The following SIPA1L1 variants were observed in gnomAD, a reference collection of about 807,000 sequenced individuals.
The protein encoded by SIPA1L1 is signal induced proliferation associated 1 like 1.
SIPA1L1 carries 26 observed loss-of-function variants against 162.7 expected under a neutral mutation model. The observed-to-expected ratio is 0.16, with a 90% CI of 0.12 to 0.22. The LOEUF (loss-of-function observed/expected upper bound fraction) is 0.22. Ranked by LOEUF, SIPA1L1 falls within the 10% of genes least tolerant of loss-of-function variation. The pLI is 1.00. For missense variants in SIPA1L1, 1,874 were observed against 2,241.0 expected, an observed-to-expected ratio of 0.84 and a Z score of 3.31; for synonymous variants, 829 against 837.4, an observed-to-expected ratio of 0.99 and a Z score of 0.17.
At position 71,440,646 on chromosome 14, in the gene SIPA1L1, C is replaced by CAAAAA. The variant is rs397853535; in HGVS notation, c.-464-72075_-464-72071dup. On this transcript the variant is annotated intron_variant, in intron 2 of 23. Transcript: ENST00000381232. ...CTTGGGTGACAGTGAGAACCCATCT[C>CAAAAA]AAAAAAAAAAAAAAAAAAAAAAAAA... 1.1e-4 allele frequency among the ~76,000 whole-genome samples: 6 copies of CAAAAA among 55,688 alleles called. No individual in the cohort carries two copies. In the East Asian group the frequency reaches 2.0e-3, roughly 18 times the overall value. 36.5% of individuals were successfully genotyped at this position (55,688 alleles called of 152,430 possible).
chr14:71,735,021 T>C (rs2085157888), intron 21 of SIPA1L1, among the ~76,000 whole-genome samples: 1 of 152,188 alleles, frequency 6.6e-6, no homozygotes, highest in Non-Finnish European at 1.5e-5. Flanking sequence ...CATAGAATGC[T>C]ACAGTGATGA....
chr14:71,593,174 T>C (rs1490389459), intron 5 of SIPA1L1, among the ~76,000 whole-genome samples: 1 of 150,378 alleles, frequency 6.6e-6, no homozygotes, highest in African/African-American at 2.5e-5. Context: ...CCTTTGAGTA[T>C]GTATGTGTTT....
intron 2 of SIPA1L1, among the ~76,000 whole-genome samples, chr14:71,417,465 G>A (rs561321301): frequency 0.019 from 266 of 14,124 alleles, 1 homozygote; most frequent in Non-Finnish European, 0.027. Flanking sequence ...GCGAGACTCC[G>A]TCTCAAAAAA....
intron 17 of SIPA1L1, among the ~76,000 whole-genome samples, chr14:71,716,787 G>C (rs1168112629): frequency 3.3e-5 from 5 of 152,210 alleles, no homozygotes; most frequent in Non-Finnish European, 4.4e-5. Flanking sequence ...CTTCGCCACA[G>C]CTGGGAATGT....
chr14:71,701,618 C>G (rs191923299), intron 14 of SIPA1L1, among the ~76,000 whole-genome samples: 3 of 152,278 alleles, frequency 2.0e-5, no homozygotes, highest in Admixed American at 2.0e-4. Flanking sequence ...CACTCTGGCA[C>G]TTTTTCATGG....
At chr14:71,584,264 A>G (rs1352987687) in intron 4 of SIPA1L1, among the ~76,000 whole-genome samples, 2 of 152,182 alleles carry the variant, frequency 1.3e-5, no homozygotes. Context: ...CAGATGCTTC[A>G]CAGAGCCAGA....
rs142619560 is a variant in SIPA1L1 at position 71,661,414 on chromosome 14, C to T, written c.2202C>T (p.His734=). ...AAAACATCCGATCCCACTTCCAGCACGTTTTCGTCATCGTCAGGGTGCACA... is the reference window on the plus strand; with the variant it reads ...AAAACATCCGATCCCACTTCCAGCATGTTTTCGTCATCGTCAGGGTGCACA... ...SPKNIRSHFQ[H]VFVIVRVHNP... Residue 734 remains histidine, a synonymous_variant, in exon 10 of 24, where the codon CAC becomes CAT. Transcript: ENST00000381232. The T allele has an allele frequency of 1.7e-3, 2,664 of 1,613,982 alleles. 5 individuals are homozygous for T. The highest frequency in any genetic ancestry group is 2.3e-3 in the Middle Eastern group (14 of 6,062).
rs375751501 is a variant in SIPA1L1, at chr14:71,446,993, C to T, written c.-464-65750C>T. Among the ~76,000 whole-genome samples the T allele has an allele frequency of 5.9e-5, 8 of 134,874 alleles. No individual in the cohort carries two copies. The East Asian group carries it at 1.4e-3, about 23-fold the overall frequency. 88.5% of individuals were successfully genotyped at this position (134,874 alleles called of 152,430 possible). On this transcript the variant is annotated intron_variant, in intron 2 of 23. Coordinates refer to ENST00000381232, the MANE Select transcript of SIPA1L1 (RefSeq NM_001386936.1). The stretch of plus-strand genomic sequence containing the variant: ...GTGGCATGATCATGGCTCACTGCAA[C>T]CTTGACCTCCCAGGCTCAAGTGATT...
intron 2 of SIPA1L1, among the ~76,000 whole-genome samples, chr14:71,327,688 G>C (rs927959243): frequency 2.6e-5 from 4 of 152,118 alleles, no homozygotes; most frequent in African/African-American, 9.7e-5. Flanking sequence ...CATACTGCTT[G>C]ACTTTTAAAG....
chr14:71,593,562 A>G (rs955351938), intron 5 of SIPA1L1, among the ~76,000 whole-genome samples: 8 of 152,130 alleles, frequency 5.3e-5, no homozygotes, highest in Non-Finnish European at 1.5e-5. Context: ...GGAAATTTAT[A>G]AGTGGAAAAT....
intron 4 of SIPA1L1, among the ~76,000 whole-genome samples, chr14:71,562,784 G>A (rs555482703): frequency 2.0e-4 from 31 of 152,248 alleles, no homozygotes; most frequent in African/African-American, 7.2e-4. Context: ...CTCCCAAGTA[G>A]CTGGGATTAC....
intron 2 of SIPA1L1, among the ~76,000 whole-genome samples, chr14:71,352,501 T>C (rs778595881): frequency 6.6e-6 from 1 of 152,228 alleles, no homozygotes; most frequent in Non-Finnish European, 1.5e-5. Flanking sequence ...ATGTATAATA[T>C]ATTCTTTTGT....
intron 4 of SIPA1L1, among the ~76,000 whole-genome samples, chr14:71,549,551 A>G (rs2055590574): frequency 1.3e-5 from 2 of 152,192 alleles, no homozygotes; most frequent in Admixed American, 6.5e-5. Context: ...ATTTTTAATC[A>G]CAAGTTGGCC....
At position 71,427,011 on chromosome 14, in the gene SIPA1L1, T is replaced by A. The variant is rs184910553; in HGVS notation, c.-464-85732T>A. Among the ~76,000 whole-genome samples the A allele has an allele frequency of 2.0e-5, 3 of 152,342 alleles. No homozygotes were observed. The East Asian group carries it at 5.8e-4, about 29-fold the overall frequency. The stretch of plus-strand genomic sequence containing the variant: ...ATAGCACTACCTTTTAGACTAAATT[T>A]TTAGAGAAAGTTTAGTCTCTTAAAT... On this transcript the variant is annotated intron_variant, in intron 2 of 23. Transcript: ENST00000381232.
In SIPA1L1 at chr14:71,377,761, G is replaced by A. The variant is rs1027720415; in HGVS notation, c.-465+56580G>A. ...AGGCCGAGGCGGGCAGATCACCCGA[G>A]TTCAGGAGCTGGAGACCAGTCCGGC... On this transcript the variant is annotated intron_variant, in intron 2 of 23. Transcript: ENST00000381232. The surrounding 1 kb of genome is among the most constrained non-coding windows in gnomAD (Gnocchi z 4.8). Among the ~76,000 whole-genome samples the A allele has an allele frequency of 6.6e-6, 1 of 152,240 alleles. No individual in the cohort carries two copies. The highest frequency in any genetic ancestry group is 2.4e-5 in the African/African-American group (1 of 41,470).
intron 2 of SIPA1L1, among the ~76,000 whole-genome samples, chr14:71,405,936 T>C (rs1463788803): frequency 6.6e-6 from 1 of 152,240 alleles, no homozygotes; most frequent in Non-Finnish European, 1.5e-5. Context: ...AATAGTAAGA[T>C]GTAGTTTACT....
intron 2 of SIPA1L1, among the ~76,000 whole-genome samples, chr14:71,378,588 T>G (rs1379981020): frequency 1.3e-5 from 2 of 152,232 alleles, no homozygotes; most frequent in Admixed American, 1.3e-4. Context: ...ATGTACCATG[T>G]GCATTTGAAA....
chr14:71,729,951 G>A, intron 19 of SIPA1L1, 104 bp from the exon 20 acceptor site: 2 of 1,232,830 alleles, frequency 1.6e-6, no homozygotes, highest in South Asian at 1.4e-5. Context: ...CTTGCTAGGG[G>A]TGTGTCTGGA....
rs2150012672 is a variant in SIPA1L1, at chr14:71,710,470, C to G, written c.4208+806C>G. ...GTCATTGATCAATGTGTGAGACCAT[C>G]TAACCTTGCTGTCTTCTGGGTCTGC... is the stretch of plus-strand genomic sequence containing the variant. On this transcript the variant is annotated intron_variant, in intron 17 of 23. Transcript: ENST00000381232. Among the ~76,000 whole-genome samples, 6 of 152,278 alleles carry G rather than the reference C, an allele frequency of 3.9e-5. No homozygotes were observed. In the Middle Eastern group the frequency reaches 0.017, roughly 432 times the overall value.
Sources: gnomAD v4.1 joint callset for allele counts (sites outside exome capture counted in the v4.1 genomes callset) on GRCh38, gnomAD v4.1.1 for gene constraint, Gnocchi (gnomAD v3.1) non-coding constraint, MANE v1.5 for transcripts, NCBI Gene and HGNC (gene_info 2026-07-23, HGNC 2026-07-21) for gene names.